Variants in RAB27B observed in about 807,000 individuals in gnomAD.
RAB27B encodes the protein RAB27B, member RAS oncogene family.
Under a neutral mutation model 24.6 loss-of-function variants are expected in RAB27B, and 15 were observed. The observed-to-expected ratio is 0.61, with a 90% confidence interval of 0.41 to 0.94. RAB27B has a LOEUF of 0.94. Among genes scored for constraint, RAB27B ranks in the 40% least tolerant of loss-of-function variants. RAB27B has a pLI of 0.00. For synonymous variants in RAB27B, 105 were observed against 92.5 expected (o/e 1.14, Z -0.78); for missense variants, 261 against 266.8 (o/e 0.98, Z 0.15).
chr18:54,855,619 A>G (rs963400024), intron 1 of RAB27B, among the ~76,000 whole-genome samples: 1 of 152,080 alleles, frequency 6.6e-6, no homozygotes, highest in Non-Finnish European at 1.5e-5. Context: ...CCCAACACAT[A>G]TTTTTGCTGA....
intron 4 of RAB27B, among the ~76,000 whole-genome samples, chr18:54,885,498 T>G (rs1178045403): frequency 6.6e-6 from 1 of 152,158 alleles, no homozygotes; most frequent in Non-Finnish European, 1.5e-5. Flanking sequence ...TATGAAAATC[T>G]TGCCATTCCC....
At chr18:54,776,611 C>T (rs746930012) in intron 2 of RAB27B, among the ~76,000 whole-genome samples, 3 of 152,192 alleles carry the variant, frequency 2.0e-5, no homozygotes, top group Non-Finnish European at 2.9e-5. Flanking sequence ...GTGCAGATTT[C>T]TGTGTGGGCC....
intron 2 of RAB27B, among the ~76,000 whole-genome samples, chr18:54,812,992 C>T (rs893798328): frequency 1.3e-5 from 2 of 152,126 alleles, no homozygotes; most frequent in Non-Finnish European, 2.9e-5. Context: ...AATTTTACCC[C>T]TTAGTTGACA....
chr18:54,733,809 A>C (rs913593711), intron 2 of RAB27B, among the ~76,000 whole-genome samples: 1 of 152,034 alleles, frequency 6.6e-6, no homozygotes, highest in South Asian at 2.1e-4. Context: ...ATCCCTCTCA[A>C]ATATGGCACT....
chr18:54,841,732 A>C (rs2311122), intron 1 of RAB27B, among the ~76,000 whole-genome samples: 144,340 of 152,272 alleles, frequency 0.95, 68,913 homozygotes, highest in East Asian at 1. Context: ...AAATGGCCAA[A>C]GTCAAAGATA....
intron 2 of RAB27B, among the ~76,000 whole-genome samples, chr18:54,760,211 C>T (rs928590184): frequency 1.3e-5 from 2 of 152,174 alleles, no homozygotes; most frequent in African/African-American, 4.8e-5. Flanking sequence ...ATGATCTCCC[C>T]ATCCTGTGAG....
intron 2 of RAB27B, among the ~76,000 whole-genome samples, chr18:54,770,620 C>A (rs978340532): frequency 6.6e-6 from 1 of 152,014 alleles, no homozygotes; most frequent in Non-Finnish European, 1.5e-5. Context: ...CCCAAAACCA[C>A]CCCCCAACCA....
At chr18:54,785,535 C>G (rs945713041) in intron 2 of RAB27B, among the ~76,000 whole-genome samples, 1 of 150,754 alleles carries the variant, frequency 6.6e-6, no homozygotes, top group Admixed American at 6.6e-5. Context: ...TGACTATCCC[C>G]CTCCTTCTTA....
At chr18:54,870,435 T>A (rs1811956349) in intron 1 of RAB27B, among the ~76,000 whole-genome samples, 1 of 152,104 alleles carries the variant, frequency 6.6e-6, no homozygotes, top group Non-Finnish European at 1.5e-5. Context: ...TAAAAAAATT[T>A]TCAATTAAAA....
intron 2 of RAB27B, among the ~76,000 whole-genome samples, chr18:54,794,439 T>G (rs954427275): frequency 6.6e-6 from 1 of 152,240 alleles, no homozygotes; most frequent in Non-Finnish European, 1.5e-5. Flanking sequence ...GTGTGCCTTT[T>G]GCATAAGTTT....
chr18:54,785,326 TC>T (rs1909048720), intron 2 of RAB27B, among the ~76,000 whole-genome samples: 1 of 151,774 alleles, frequency 6.6e-6, no homozygotes, highest in South Asian at 2.1e-4. Context: ...GGTCTTGAAC[TC>T]CTGACCTCAA....
intron 2 of RAB27B, among the ~76,000 whole-genome samples, chr18:54,743,083 T>C (rs1193407247): frequency 6.6e-6 from 1 of 152,214 alleles, no homozygotes; most frequent in Non-Finnish European, 1.5e-5. Flanking sequence ...ATCTCAAGCA[T>C]TCTTGGACAC....
chr18:54,819,304 A>C (rs1910220474), intron 2 of RAB27B, among the ~76,000 whole-genome samples: 1 of 148,356 alleles, frequency 6.7e-6, no homozygotes, highest in South Asian at 2.1e-4. Context: ...AAATATAATA[A>C]AAAATAAAAA....
intron 1 of RAB27B, among the ~76,000 whole-genome samples, chr18:54,874,367 C>T (rs924726339): frequency 1.3e-5 from 2 of 152,170 alleles, no homozygotes; most frequent in Non-Finnish European, 2.9e-5. Flanking sequence ...TTCTACCTTG[C>T]AAAATTACGT....
intron 2 of RAB27B, among the ~76,000 whole-genome samples, chr18:54,748,795 A>C (rs564789774): frequency 6.6e-6 from 1 of 152,240 alleles, no homozygotes; most frequent in Non-Finnish European, 1.5e-5. Context: ...GGTATACAGC[A>C]TTTATTTTAA....
chr18:54,737,917 A>G (rs568743458), intron 2 of RAB27B, among the ~76,000 whole-genome samples: 1 of 152,320 alleles, frequency 6.6e-6, no homozygotes, highest in South Asian at 2.1e-4. Context: ...GAGGTGTCAG[A>G]CATACTTCTT....
intron 1 of RAB27B, among the ~76,000 whole-genome samples, chr18:54,852,815 G>A (rs759023665): frequency 2.6e-5 from 4 of 152,172 alleles, no homozygotes; most frequent in Non-Finnish European, 5.9e-5. Context: ...AAAAATGAAA[G>A]AATTGACTTA....
At chr18:54,726,759 T>C (rs1909552067) in intron 2 of RAB27B, among the ~76,000 whole-genome samples, 1 of 151,630 alleles carries the variant, frequency 6.6e-6, no homozygotes, top group African/African-American at 2.4e-5. Flanking sequence ...GTGTCATTAA[T>C]TTTACAGTAA....
At chr18:54,806,980 C>A (rs1288761125) in intron 2 of RAB27B, among the ~76,000 whole-genome samples, 2 of 152,136 alleles carry the variant, frequency 1.3e-5, no homozygotes, top group East Asian at 3.9e-4. Flanking sequence ...AATCTTGGCT[C>A]ACTGCAACCA....
Sources: gnomAD v4.1 joint callset for allele counts (sites outside exome capture counted in the v4.1 genomes callset) on GRCh38, gnomAD v4.1.1 for gene constraint, MANE v1.5 for transcripts, NCBI Gene and HGNC (gene_info 2026-07-23, HGNC 2026-07-21) for gene names.